Variants in CNTN4 observed in about 807,000 individuals in gnomAD.
CNTN4 encodes contactin 4, also known as contactin-4.
In CNTN4, 77 loss-of-function variants were observed where a neutral mutation model predicts 122.5. That is an observed-to-expected ratio of 0.63 (90% CI 0.52 to 0.76). CNTN4 has a LOEUF of 0.76. Ranked by LOEUF, CNTN4 falls within the 30% of genes least tolerant of loss-of-function variation. The probability of loss-of-function intolerance (pLI) is 0.00; values close to 1 mark genes in which losing one functional copy is unlikely to be tolerated. For missense variants in CNTN4, 1,256 were observed against 1,259.1 expected (o/e 1.00, Z 0.04); for synonymous variants, 512 against 447.0 (o/e 1.15, Z -1.83).
intron 12 of CNTN4, among the ~76,000 whole-genome samples, chr3:2,910,815 G>T (rs1253407023): frequency 6.6e-6 from 1 of 152,180 alleles, no homozygotes; most frequent in African/African-American, 2.4e-5. Context: ...ATTTGGTAGT[G>T]GGGGGTGATT....
chr3:2,503,707 G>T (rs1474782043), intron 3 of CNTN4, among the ~76,000 whole-genome samples: 1 of 152,056 alleles, frequency 6.6e-6, no homozygotes, highest in Non-Finnish European at 1.5e-5. Context: ...TTTTAATAAA[G>T]TGGGTAGGGA....
chr3:2,154,861 G>A (rs948735152), intron 2 of CNTN4, among the ~76,000 whole-genome samples: 32 of 152,174 alleles, frequency 2.1e-4, no homozygotes, highest in Admixed American at 1.8e-3. Flanking sequence ...CCAGAAATAC[G>A]GAGGAAATGA....
chr3:2,938,542 A>G (rs890350222), intron 13 of CNTN4, among the ~76,000 whole-genome samples: 6 of 152,300 alleles, frequency 3.9e-5, no homozygotes, highest in Middle Eastern at 3.4e-3. Flanking sequence ...CATTGCATCT[A>G]TGTCTACCAG....
chr3:2,725,136 C>A (rs2088133217), intron 4 of CNTN4, among the ~76,000 whole-genome samples: 1 of 152,164 alleles, frequency 6.6e-6, no homozygotes, highest in Non-Finnish European at 1.5e-5. Flanking sequence ...GCATTTCCAG[C>A]ATTTGATTTC....
Position 3,018,507 on chromosome 3 carries a change from G to A in CNTN4, c.1487-7595G>A, listed in dbSNP as rs146879691. On this transcript the variant is annotated intron_variant, in intron 14 of 24. Coordinates refer to ENST00000418658, the MANE Select transcript of CNTN4 (RefSeq NM_175607.3). ...AGTGAGTGAGGATGCAGAATGGTGA[G>A]GTAGGTTGGAGAGCTCTATGGAGAC... Among the ~76,000 whole-genome samples the A allele has an allele frequency of 1.4e-3, 220 of 152,300 alleles. 1 individual carries two copies. Among genetic ancestry groups the A allele is most frequent in the African/African-American group, 5.1e-3 (214 of 41,564 alleles).
At chr3:2,958,785 G>A (rs773918742) in intron 13 of CNTN4, among the ~76,000 whole-genome samples, 5 of 152,152 alleles carry the variant, frequency 3.3e-5, no homozygotes, top group Non-Finnish European at 7.3e-5. Flanking sequence ...TTTGTAGAAA[G>A]GTTGGAGAGG....
chr3:2,268,660 T>C (rs1198664182), intron 2 of CNTN4, among the ~76,000 whole-genome samples: 2 of 152,282 alleles, frequency 1.3e-5, no homozygotes, highest in South Asian at 2.1e-4. Context: ...TCTACCTACC[T>C]ACCTATGTAT....
At chr3:2,981,573 A>AT (rs143823548) in intron 13 of CNTN4, among the ~76,000 whole-genome samples, 10,756 of 152,142 alleles carry the variant, frequency 0.071, 1,120 homozygotes, top group African/African-American at 0.22. Context: ...AAAAAAAAAA[A>AT]GAATGTAATA....
intron 4 of CNTN4, among the ~76,000 whole-genome samples, chr3:2,678,585 A>G (rs2728015): frequency 0.062 from 9,392 of 152,260 alleles, 342 homozygotes; most frequent in African/African-American, 0.097. Context: ...TATTCCCAGT[A>G]TAAAGTGACC....
intron 4 of CNTN4, among the ~76,000 whole-genome samples, chr3:2,598,022 C>T (rs1024661212): frequency 1.3e-5 from 2 of 152,160 alleles, no homozygotes; most frequent in Non-Finnish European, 2.9e-5. Context: ...GCCTTGGTTT[C>T]CTCAAGAATT....
chr3:2,825,749 A>G (rs1052499176), intron 7 of CNTN4, among the ~76,000 whole-genome samples: 3 of 152,130 alleles, frequency 2.0e-5, no homozygotes, highest in African/African-American at 4.8e-5. Context: ...GCTTTCCTAC[A>G]TTGTTATTGG....
intron 3 of CNTN4, among the ~76,000 whole-genome samples, chr3:2,418,378 C>G (rs1047243670): frequency 6.6e-6 from 1 of 152,104 alleles, no homozygotes. Context: ...AAATAATACA[C>G]AGAAAGTATT....
intron 2 of CNTN4, among the ~76,000 whole-genome samples, chr3:2,297,858 G>C (rs975565742): frequency 2.6e-5 from 4 of 152,146 alleles, no homozygotes; most frequent in African/African-American, 9.7e-5. Flanking sequence ...AGCCTCCTGA[G>C]TAGCTGGGAC....
At chr3:2,877,910 A>T (rs955533274) in intron 8 of CNTN4, among the ~76,000 whole-genome samples, 2 of 152,240 alleles carry the variant, frequency 1.3e-5, no homozygotes, top group Admixed American at 1.3e-4. Flanking sequence ...AAATAAAAAA[A>T]TTAGTCAAAT....
In CNTN4 at chr3:2,965,968, C is replaced by T. The variant is rs542485710; in HGVS notation, c.1359-22377C>T. ...TAGATACATATATCATTTCAGGGAA[C>T]CACATTATTTTATCTGTCTCATATT... On this transcript the variant is annotated intron_variant, in intron 13 of 24. Transcript: ENST00000418658. Among the ~76,000 whole-genome samples, 25 of 152,232 alleles carry T rather than the reference C, an allele frequency of 1.6e-4. No homozygotes were observed. In the South Asian group the frequency reaches 5.2e-3, roughly 32 times the overall value.
intron 2 of CNTN4, among the ~76,000 whole-genome samples, chr3:2,147,177 C>A (rs557067006): frequency 7.2e-5 from 11 of 152,234 alleles, no homozygotes; most frequent in African/African-American, 2.4e-4. Context: ...CTGTGCCTGG[C>A]CTCATTCCAT....
intron 2 of CNTN4, among the ~76,000 whole-genome samples, chr3:2,153,631 G>A (rs1261732871): frequency 2.0e-5 from 3 of 152,162 alleles, no homozygotes; most frequent in Non-Finnish European, 4.4e-5. Context: ...AAAGGAGCGC[G>A]AAACCATGGT....
chr3:2,175,301 A>G (rs1192013404), intron 2 of CNTN4, among the ~76,000 whole-genome samples: 2 of 152,028 alleles, frequency 1.3e-5, no homozygotes, highest in African/African-American at 4.8e-5. Context: ...CCTGTCTAGA[A>G]TATCCTAGCT....
chr3:2,328,809 A>G (rs1488690202), intron 2 of CNTN4, among the ~76,000 whole-genome samples: 5 of 152,202 alleles, frequency 3.3e-5, no homozygotes, highest in Non-Finnish European at 4.4e-5. Flanking sequence ...ACATGTAAAT[A>G]CGACATCACT....
Sources: allele counts gnomAD v4.1 joint callset (sites outside exome capture counted in the v4.1 genomes callset), GRCh38; gene constraint gnomAD v4.1.1; transcripts MANE v1.5; gene names NCBI Gene and HGNC (gene_info 2026-07-23, HGNC 2026-07-21).